The following CBFA2T3 variants were observed in gnomAD, a reference collection of about 807,000 sequenced individuals.
CBFA2T3 encodes the protein CBFA2/RUNX1 partner transcriptional co-repressor 3, also known as transcriptional corepressor CBFA2T3.
CBFA2T3 carries 31 observed loss-of-function variants against 58.6 expected under a neutral mutation model. That is an observed-to-expected ratio of 0.53 (90% CI 0.40 to 0.71). The LOEUF is 0.71. Among genes scored for constraint, CBFA2T3 ranks in the 30% least tolerant of loss-of-function variants. The probability of loss-of-function intolerance (pLI) is 0.00; values close to 1 mark genes in which losing one functional copy is unlikely to be tolerated. For missense variants in CBFA2T3, 1,076 were observed against 963.1 expected (o/e 1.12, Z -1.55); for synonymous variants, 531 against 421.9 (o/e 1.26, Z -3.17).
intron 3 of CBFA2T3, among the ~76,000 whole-genome samples, chr16:88,894,348 A>G (rs367561646): frequency 6.2e-5 from 5 of 80,582 alleles, no homozygotes; most frequent in East Asian, 6.2e-4. Context: ...ACACATGCAC[A>G]CACACATGCA....
intron 1 of CBFA2T3, among the ~76,000 whole-genome samples, chr16:88,974,208 C>A (rs1336702110): frequency 6.6e-6 from 1 of 152,238 alleles, no homozygotes; most frequent in East Asian, 1.9e-4. Flanking sequence ...TCTTCTTCTG[C>A]AAAGTGGGCT....
intron 5 of CBFA2T3, among the ~76,000 whole-genome samples, chr16:88,887,991 G>A (rs1410067104): frequency 2.6e-5 from 4 of 152,220 alleles, no homozygotes; most frequent in African/African-American, 9.7e-5. Context: ...CCATAGAGGG[G>A]CTGTGGCCTT....
chr16:88,877,687 C>G (rs979289346), intron 11 of CBFA2T3, among the ~76,000 whole-genome samples: 23 of 152,070 alleles, frequency 1.5e-4, no homozygotes, highest in African/African-American at 5.6e-4. Flanking sequence ...CTGCCCCACC[C>G]CTGCCTCTGC....
In CBFA2T3 at chr16:88,901,654, G is replaced by C; in HGVS notation, c.154C>G (p.Pro52Ala). The C allele has an allele frequency of 6.5e-7, 1 of 1,527,238 alleles. No homozygotes were observed. The highest frequency in any genetic ancestry group is 1.5e-5 in the African/African-American group (1 of 68,780). 94.6% of individuals were successfully genotyped at this position (1,527,238 alleles called of 1,614,324 possible). A position where few individuals can be genotyped will look rare whatever the true frequency, so the allele number is the denominator to read the frequency against. ...PRGPRKGGPA[P>A]VDRKAKASAM... is the part of the protein sequence containing the mutation. ...GAGGCCTTAGCTTTCCTGTCCACTG[G>C]GGCTGCGACCAACGGAGAAAGAAAG... Residue 52 changes from proline to alanine, a missense_variant and splice_region_variant, in exon 2 of 12, where the codon CCA becomes GCA. Coordinates refer to ENST00000268679, the MANE Select transcript of CBFA2T3 (RefSeq NM_005187.6).
At chr16:88,908,333 C>T (rs1340422724) in intron 1 of CBFA2T3, among the ~76,000 whole-genome samples, 1 of 150,056 alleles carries the variant, frequency 6.7e-6, no homozygotes, top group East Asian at 1.9e-4. Context: ...CGGAGCGAGA[C>T]TCTGTTTCAA....
chr16:88,881,606 C>A, intron 8 of CBFA2T3, 117 bp from the exon 9 acceptor site: 1 of 1,055,774 alleles, frequency 9.5e-7, no homozygotes. Flanking sequence ...GCCCACCGCC[C>A]GTGAGAGTAA....
intron 1 of CBFA2T3, among the ~76,000 whole-genome samples, chr16:88,918,294 CG>C (rs1970804117): frequency 6.6e-6 from 1 of 152,232 alleles, no homozygotes; most frequent in Non-Finnish European, 1.5e-5. Context: ...CCCTGCAGGC[CG>C]GGGGTGAAGG....
intron 1 of CBFA2T3, among the ~76,000 whole-genome samples, chr16:88,915,373 G>A (rs1970665150): frequency 1.0e-5 from 1 of 95,294 alleles, no homozygotes; most frequent in Non-Finnish European, 2.2e-5. Flanking sequence ...AGCTCCTTCA[G>A]GAGCTCCACA....
chr16:88,888,570 G>GGGGAAGGGTGCA (rs1235362966), intron 5 of CBFA2T3, among the ~76,000 whole-genome samples: 1 of 75,754 alleles, frequency 1.3e-5, no homozygotes, highest in African/African-American at 6.6e-5. Flanking sequence ...GGGTGGGGTG[G>GGGGAAGGGTGCA]GGTGGGAGGG....
chr16:88,975,835 C>T (rs1220837637), intron 1 of CBFA2T3, among the ~76,000 whole-genome samples: 15 of 152,264 alleles, frequency 9.9e-5, no homozygotes, highest in African/African-American at 3.1e-4. Flanking sequence ...CCCTCGGTCC[C>T]GGGTTCTGTG....
intron 1 of CBFA2T3, among the ~76,000 whole-genome samples, chr16:88,935,196 G>T (rs1258489193): frequency 1.3e-5 from 2 of 152,200 alleles, no homozygotes; most frequent in African/African-American, 4.8e-5. Context: ...CCGGTCAGGG[G>T]CAGTCCTGGG....
chr16:88,898,504 T>G (rs1969976835), intron 2 of CBFA2T3, among the ~76,000 whole-genome samples: 1 of 152,184 alleles, frequency 6.6e-6, no homozygotes, highest in African/African-American at 2.4e-5. Flanking sequence ...TAAGGGCCGT[T>G]CTGGCAGCAC....
chr16:88,880,364 C>T (rs1414608369), intron 10 of CBFA2T3, among the ~76,000 whole-genome samples: 6 of 152,232 alleles, frequency 3.9e-5, no homozygotes, highest in East Asian at 1.9e-4. Context: ...CTCAGCTCCA[C>T]GTCTGCCCCT....
intron 1 of CBFA2T3, among the ~76,000 whole-genome samples, chr16:88,956,849 C>G (rs886345188): frequency 6.6e-6 from 1 of 152,248 alleles, no homozygotes; most frequent in Non-Finnish European, 1.5e-5. Flanking sequence ...TCACAGGGGC[C>G]TGCAGCAGCT....
intron 1 of CBFA2T3, among the ~76,000 whole-genome samples, chr16:88,913,238 T>C (rs1970585622): frequency 1.3e-5 from 2 of 152,160 alleles, no homozygotes; most frequent in Admixed American, 1.3e-4. Flanking sequence ...ACGCCCAAGA[T>C]GAGACACACG....
intron 5 of CBFA2T3, among the ~76,000 whole-genome samples, chr16:88,891,668 T>G (rs1331519942): frequency 6.6e-6 from 1 of 152,182 alleles, no homozygotes; most frequent in Non-Finnish European, 1.5e-5. Context: ...CCTTAACTAG[T>G]AGGAGTCAAC....
intron 2 of CBFA2T3, among the ~76,000 whole-genome samples, chr16:88,899,978 G>T (rs981357359): frequency 1.3e-5 from 2 of 152,240 alleles, no homozygotes; most frequent in African/African-American, 4.8e-5. Context: ...CGAAGAGAGG[G>T]AAGGGTGATC....
chr16:88,926,482 T>C (rs1270514165), intron 1 of CBFA2T3, among the ~76,000 whole-genome samples: 1 of 151,862 alleles, frequency 6.6e-6, no homozygotes, highest in East Asian at 1.9e-4. Context: ...GCGACCTCTC[T>C]TTCTATCTCT....
At position 88,885,548 on chromosome 16, in the gene CBFA2T3, G is replaced by A. The variant is rs574321832; in HGVS notation, c.894-279C>T. 2.0e-5 allele frequency among the ~76,000 whole-genome samples: 3 copies of A among 152,272 alleles called. No individual in the cohort carries two copies. The highest frequency in any genetic ancestry group is 6.5e-5 in the Admixed American group (1 of 15,308). ...GAGCCGGACTCGCTGCTCTGGGAAC[G>A]AGGAGAGGGATACACCAGGCTTCCG... On this transcript the variant is annotated intron_variant, in intron 6 of 11. Transcript: ENST00000268679. The surrounding 1 kb of genome is among the most constrained non-coding windows in gnomAD (Gnocchi z 5.3).
Sources: allele counts gnomAD v4.1 joint callset (sites outside exome capture counted in the v4.1 genomes callset), GRCh38; gene constraint gnomAD v4.1.1; non-coding constraint Gnocchi (gnomAD v3.1); transcripts MANE v1.5; gene names NCBI Gene and HGNC (gene_info 2026-07-23, HGNC 2026-07-21).